Variants in TANGO6 observed in about 807,000 individuals in gnomAD.
TANGO6 encodes transport and golgi organization 6 homolog, also known as transport and Golgi organization protein 6 homolog.
In TANGO6, 90 loss-of-function variants were observed where a neutral mutation model predicts 114.2. The ratio of observed to expected loss-of-function variants is 0.79; its 90% CI spans 0.66 to 0.94. The LOEUF (loss-of-function observed/expected upper bound fraction) is 0.94. Among genes scored for constraint, TANGO6 ranks in the 40% least tolerant of loss-of-function variants. The pLI, the probability that TANGO6 is intolerant of heterozygous loss-of-function variation, is 0.00. For synonymous variants in TANGO6, 477 were observed against 509.8 expected (o/e 0.94, Z 0.87); for missense variants, 1,274 against 1,315.3 (o/e 0.97, Z 0.49).
intron 14 of TANGO6, among the ~76,000 whole-genome samples, chr16:68,933,181 G>A (rs536351419): frequency 3.5e-4 from 53 of 152,280 alleles, no homozygotes; most frequent in African/African-American, 1.3e-3. Context: ...TTGGGAGGCC[G>A]AGGTGGTTGG....
chr16:68,994,858 T>A (rs1963977526), intron 15 of TANGO6, among the ~76,000 whole-genome samples: 1 of 152,132 alleles, frequency 6.6e-6, no homozygotes, highest in Non-Finnish European at 1.5e-5. Flanking sequence ...ATGTTGGGAT[T>A]ACAGGAATAA....
rs869092742 is a variant in TANGO6, at chr16:69,009,072, CTTTTTTTT to C, written c.2843-13737_2843-13730del. On this transcript the variant is annotated intron_variant, in intron 15 of 17. Coordinates refer to ENST00000261778, the MANE Select transcript of TANGO6 (RefSeq NM_024562.2). ...TGAACATAAACAGGAGAGTTTATTT[CTTTTTTTT>C]TTTTTTTTTTTTTTTTTTGAGACGG... 1.2e-4 allele frequency among the ~76,000 whole-genome samples: 9 copies of C among 77,640 alleles called. 1 individual carries two copies. The highest frequency in any genetic ancestry group is 4.0e-4 in the Admixed American group (3 of 7,430). The allele number at this position is 77,640 out of a possible 152,430, so 50.9% of individuals were successfully genotyped here. A position where few individuals can be genotyped will look rare whatever the true frequency, so the allele number is the denominator to read the frequency against.
At chr16:68,878,031 T>C (rs563944685) in intron 5 of TANGO6, 87 bp from the exon 6 acceptor site, 1 of 1,153,622 alleles carries the variant, frequency 8.7e-7, no homozygotes, top group East Asian at 2.6e-5. Context: ...TTATTTTTTG[T>C]CTTAAAGAAA....
chr16:68,956,969 A>G (rs541389927), intron 14 of TANGO6, among the ~76,000 whole-genome samples: 2 of 152,224 alleles, frequency 1.3e-5, no homozygotes, highest in Non-Finnish European at 2.9e-5. Context: ...GCAGGGAATT[A>G]GAATTTAAAA....
At chr16:69,004,102 G>A (rs1208295876) in intron 15 of TANGO6, among the ~76,000 whole-genome samples, 1 of 151,890 alleles carries the variant, frequency 6.6e-6, no homozygotes, top group African/African-American at 2.4e-5. Context: ...AAATTTTAAT[G>A]AGTTTAAATT....
chr16:69,005,448 C>A (rs1009696159), intron 15 of TANGO6, among the ~76,000 whole-genome samples: 1 of 152,106 alleles, frequency 6.6e-6, no homozygotes, highest in East Asian at 1.9e-4. Context: ...CTTATGGCCA[C>A]TTTCCCATCT....
intron 5 of TANGO6, among the ~76,000 whole-genome samples, chr16:68,877,648 C>T (rs1962386466): frequency 1.3e-5 from 2 of 151,768 alleles, no homozygotes; most frequent in Middle Eastern, 6.8e-3. Flanking sequence ...CGCTCTGTCG[C>T]CCAGGCTGGA....
chr16:68,948,618 G>C (rs1474056803), intron 14 of TANGO6, among the ~76,000 whole-genome samples: 1 of 152,138 alleles, frequency 6.6e-6, no homozygotes, highest in African/African-American at 2.4e-5. Context: ...CCTACCTTTG[G>C]AAAATTGTTT....
At chr16:68,880,215 G>A (rs1007899966) in intron 6 of TANGO6, among the ~76,000 whole-genome samples, 3 of 151,842 alleles carry the variant, frequency 2.0e-5, no homozygotes, top group Admixed American at 1.3e-4. Context: ...TTTGTGATCC[G>A]CCTGCCTTGG....
chr16:69,051,642 C>G (rs1959950065), intron 17 of TANGO6, among the ~76,000 whole-genome samples: 1 of 152,096 alleles, frequency 6.6e-6, no homozygotes, highest in South Asian at 2.1e-4. Flanking sequence ...GAGATTGTGC[C>G]ATCGCACTCC....
At chr16:68,957,155 A>T (rs1266857483) in intron 14 of TANGO6, among the ~76,000 whole-genome samples, 1 of 151,754 alleles carries the variant, frequency 6.6e-6, no homozygotes, top group Admixed American at 6.6e-5. Context: ...TTATGTGTGT[A>T]TGCATGCATG....
chr16:69,017,367 A>C (rs544031722), intron 15 of TANGO6, among the ~76,000 whole-genome samples: 1 of 152,324 alleles, frequency 6.6e-6, no homozygotes, highest in Admixed American at 6.5e-5. Context: ...TTGATAAGTT[A>C]ATATGCCTTT....
intron 15 of TANGO6, among the ~76,000 whole-genome samples, chr16:69,022,366 C>T (rs770031708): frequency 1.3e-5 from 2 of 152,000 alleles, no homozygotes; most frequent in East Asian, 3.9e-4. Flanking sequence ...ATGAAATATT[C>T]TTCTGGAGCA....
chr16:68,895,611 A>G (rs1329110532), intron 7 of TANGO6, among the ~76,000 whole-genome samples: 1 of 152,212 alleles, frequency 6.6e-6, no homozygotes, highest in African/African-American at 2.4e-5. Context: ...AAGAAAAATC[A>G]TTTCATAGTG....
chr16:69,072,026 CGTGTGTGTGT>C (rs58310609), intron 17 of TANGO6, among the ~76,000 whole-genome samples: 27 of 93,010 alleles, frequency 2.9e-4, no homozygotes, highest in East Asian at 8.6e-4. Context: ...AGAGGGAGAC[CGTGTGTGTGT>C]GTGTGTGTGT....
At chr16:68,941,270 G>T (rs930025511) in intron 14 of TANGO6, among the ~76,000 whole-genome samples, 25 of 152,288 alleles carry the variant, frequency 1.6e-4, no homozygotes, top group East Asian at 3.9e-4. Flanking sequence ...TAGCTTAAGA[G>T]AAATTTTTTT....
At chr16:68,855,637 C>T (rs1393276548) in intron 1 of TANGO6, among the ~76,000 whole-genome samples, 1 of 151,990 alleles carries the variant, frequency 6.6e-6, no homozygotes, top group East Asian at 1.9e-4. Context: ...GTAATCCCAG[C>T]ACTTTGGGAG....
chr16:69,068,920 T>C (rs2152242454), intron 17 of TANGO6, among the ~76,000 whole-genome samples: 1 of 152,316 alleles, frequency 6.6e-6, no homozygotes, highest in East Asian at 1.9e-4. Context: ...TTTTGCCATG[T>C]TGGCCAGGCT....
chr16:68,933,707 T>C (rs1963270354), intron 14 of TANGO6: 1 of 152,184 alleles, frequency 6.6e-6, no homozygotes, highest in Non-Finnish European at 1.5e-5. Flanking sequence ...CATCCTATCA[T>C]TCTGCCTTAT....
Sources: gnomAD v4.1 joint callset for allele counts (sites outside exome capture counted in the v4.1 genomes callset) on GRCh38, gnomAD v4.1.1 for gene constraint, MANE v1.5 for transcripts, NCBI Gene and HGNC (gene_info 2026-07-23, HGNC 2026-07-21) for gene names.